Variants in TMEM117 observed in about 807,000 individuals in gnomAD.
The protein encoded by TMEM117 is transmembrane protein 117.
A neutral mutation model predicts 52.4 loss-of-function variants in TMEM117; 27 were observed. The ratio of observed to expected loss-of-function variants is 0.51; its 90% confidence interval spans 0.38 to 0.71. The LOEUF is 0.71. Among genes scored for constraint, TMEM117 ranks in the 30% least tolerant of loss-of-function variants. TMEM117 has a pLI of 0.00. For missense variants in TMEM117, 556 were observed against 630.5 expected (o/e 0.88, Z 1.26); for synonymous variants, 215 against 206.3 (o/e 1.04, Z -0.36).
intron 6 of TMEM117, among the ~76,000 whole-genome samples, chr12:44,349,897 G>A (rs1210874784): frequency 6.6e-6 from 1 of 151,980 alleles, no homozygotes; most frequent in Non-Finnish European, 1.5e-5. Context: ...AGAAAGACAA[G>A]TATCAGCCAA....
chr12:44,122,437 G>A (rs1948252881), intron 3 of TMEM117, among the ~76,000 whole-genome samples: 1 of 152,096 alleles, frequency 6.6e-6, no homozygotes, highest in Admixed American at 6.6e-5. Context: ...GGGTACAGGT[G>A]CAGGATGTGA....
intron 4 of TMEM117, among the ~76,000 whole-genome samples, chr12:44,147,840 CA>C (rs1287378434): frequency 6.7e-6 from 1 of 149,948 alleles, no homozygotes; most frequent in African/African-American, 2.5e-5. Flanking sequence ...GCTGAGGCAG[CA>C]GAATGGCTTG....
intron 2 of TMEM117, among the ~76,000 whole-genome samples, chr12:43,898,466 A>G (rs1944250285): frequency 6.6e-6 from 1 of 151,838 alleles, no homozygotes; most frequent in Non-Finnish European, 1.5e-5. Context: ...TATTAAGAAT[A>G]GGTTAATAAT....
intron 2 of TMEM117, among the ~76,000 whole-genome samples, chr12:43,914,370 C>G (rs191739137): frequency 6.6e-6 from 1 of 152,114 alleles, no homozygotes; most frequent in South Asian, 2.1e-4. Context: ...TCAGTCTTCC[C>G]CTAGATTGTG....
intron 3 of TMEM117, among the ~76,000 whole-genome samples, chr12:44,090,893 A>T (rs1333026687): frequency 7.8e-6 from 1 of 128,442 alleles, no homozygotes; most frequent in Admixed American, 9.0e-5. Context: ...CCTCTTGCTG[A>T]TAGAGCGTAT....
intron 5 of TMEM117, among the ~76,000 whole-genome samples, chr12:44,259,925 C>T (rs763380612): frequency 1.3e-5 from 2 of 152,050 alleles, no homozygotes; most frequent in Admixed American, 6.6e-5. Flanking sequence ...AAGAACCAAT[C>T]GTTTCTTATT....
chr12:44,258,448 A>T (rs1203745961), intron 5 of TMEM117, among the ~76,000 whole-genome samples: 1 of 152,056 alleles, frequency 6.6e-6, no homozygotes, highest in Non-Finnish European at 1.5e-5. Context: ...TTCTTCCCTC[A>T]TGACATATGG....
At chr12:44,249,188 T>TTG (rs146506928) in intron 5 of TMEM117, among the ~76,000 whole-genome samples, 2,112 of 150,542 alleles carry the variant, frequency 0.014, 34 homozygotes, top group African/African-American at 0.043. Flanking sequence ...TGGGAGGGTT[T>TTG]TGTGTGTGTG....
chr12:44,390,262 C>T (rs578159812), downstream of TMEM117, among the ~76,000 whole-genome samples: 1 of 151,278 alleles, frequency 6.6e-6, no homozygotes, highest in Non-Finnish European at 1.5e-5. Context: ...CTATAGTAAC[C>T]CATTGCCCAT....
rs536735080 is a variant in TMEM117, at chr12:43,918,472, G to A, written c.278-25738G>A. Among the ~76,000 whole-genome samples, 21 of 152,198 alleles carry A rather than the reference G, an allele frequency of 1.4e-4. No homozygotes were observed. In the South Asian group the frequency reaches 1.9e-3, roughly 14 times the overall value. ...CAACCAGTCTCACCTGAGAATCACC[G>A]CCTAAGCAAAAGGTTATTTCACCAT... On this transcript the variant is annotated intron_variant, in intron 2 of 7. Transcript: ENST00000266534.
At chr12:44,023,153 C>G (rs1946479756) in intron 3 of TMEM117, among the ~76,000 whole-genome samples, 1 of 152,156 alleles carries the variant, frequency 6.6e-6, no homozygotes, top group African/African-American at 2.4e-5. Context: ...AAGACATGAA[C>G]TCTTCATTTT....
chr12:44,146,348 T>C (rs939909390), intron 4 of TMEM117, among the ~76,000 whole-genome samples: 2 of 152,220 alleles, frequency 1.3e-5, no homozygotes, highest in African/African-American at 4.8e-5. Context: ...AGATTACTGC[T>C]ACATCACAGA....
At chr12:44,002,101 C>T (rs919495763) in intron 3 of TMEM117, among the ~76,000 whole-genome samples, 2 of 152,064 alleles carry the variant, frequency 1.3e-5, no homozygotes, top group African/African-American at 4.8e-5. Context: ...GTTTGGAACC[C>T]TCCAAGAGGA....
intron 3 of TMEM117, among the ~76,000 whole-genome samples, chr12:44,071,986 G>T (rs1947308975): frequency 1.3e-5 from 2 of 152,178 alleles, no homozygotes; most frequent in Non-Finnish European, 2.9e-5. Context: ...GACATTTCAA[G>T]AAATATTGCT....
chr12:43,817,077 C>T, the TMEM117 span, among the ~76,000 whole-genome samples: 1 of 152,290 alleles, frequency 6.6e-6, no homozygotes, highest in African/African-American at 2.4e-5. Flanking sequence ...TTAAATGAAT[C>T]TAAATACTGG....
intron 4 of TMEM117, among the ~76,000 whole-genome samples, chr12:44,181,674 C>T (rs1592586247): frequency 6.6e-6 from 1 of 151,754 alleles, no homozygotes; most frequent in African/African-American, 2.4e-5. Context: ...AGATATGTGG[C>T]GTTATTTCTG....
At chr12:44,381,712 C>T (rs1952023383) in intron 7 of TMEM117, among the ~76,000 whole-genome samples, 2 of 152,068 alleles carry the variant, frequency 1.3e-5, no homozygotes, top group Admixed American at 1.3e-4. Flanking sequence ...TGTGAGGGTA[C>T]AGGTGTTTTA....
At chr12:44,058,954 T>C (rs1947098206) in intron 3 of TMEM117, among the ~76,000 whole-genome samples, 1 of 152,174 alleles carries the variant, frequency 6.6e-6, no homozygotes, top group African/African-American at 2.4e-5. Flanking sequence ...TTTCCATGGA[T>C]CGGGGGATGG....
the TMEM117 span, among the ~76,000 whole-genome samples, chr12:43,823,152 A>G: frequency 6.6e-6 from 1 of 152,184 alleles, no homozygotes; most frequent in Admixed American, 6.5e-5. Context: ...CTGGAATGAA[A>G]CTTGATGTAT....
Sources: gnomAD v4.1 joint callset for allele counts (sites outside exome capture counted in the v4.1 genomes callset) on GRCh38, gnomAD v4.1.1 for gene constraint, MANE v1.5 for transcripts, NCBI Gene and HGNC (gene_info 2026-07-23, HGNC 2026-07-21) for gene names.